RSL24D1: variants seen among roughly 807,000 people sequenced by gnomAD.
RSL24D1 encodes the protein ribosomal L24 domain containing 1, also known as probable ribosome biogenesis protein RLP24.
In RSL24D1, 6 loss-of-function variants were observed where a neutral mutation model predicts 26.2. The ratio of observed to expected loss-of-function variants is 0.23; its 90% CI spans 0.13 to 0.45. The LOEUF is 0.45. Among genes scored for constraint, RSL24D1 ranks in the 20% least tolerant of loss-of-function variants. The probability of loss-of-function intolerance (pLI) is 0.99; values close to 1 mark genes in which losing one functional copy is unlikely to be tolerated. For missense variants in RSL24D1, 176 were observed against 202.6 expected (o/e 0.87, Z 0.80); for synonymous variants, 61 against 59.1 (o/e 1.03, Z -0.15).
intron 1 of RSL24D1, among the ~76,000 whole-genome samples, chr15:55,194,853 G>A (rs1042571730): frequency 3.3e-4 from 49 of 148,804 alleles, no homozygotes; most frequent in African/African-American, 9.7e-4. Flanking sequence ...TAATCTCCCC[G>A]TCTCTACAAA....
At chr15:55,182,353 T>C in intron 5 of RSL24D1, 128 bp from the exon 6 acceptor site, 1 of 635,286 alleles carries the variant, frequency 1.6e-6, no homozygotes, top group Non-Finnish European at 2.9e-6. Context: ...AATTTAATAG[T>C]AGCTAAACTA....
rs755976854 is a variant in RSL24D1 at position 55,190,934 on chromosome 15, C to A, written c.268+41G>T. On this transcript the variant is annotated intron_variant, in intron 3 of 5. Coordinates refer to ENST00000260443, the MANE Select transcript of RSL24D1 (RefSeq NM_016304.3). ...TTAAAGTTATAGTATTATCCCAAAC[C>A]AGTCTCTCCTCAAAATTACTGGTAT... 10 of 1,317,776 alleles carry A rather than the reference C, an allele frequency of 7.6e-6. No individual in the cohort carries two copies. In the East Asian group the frequency reaches 2.3e-4, roughly 30 times the overall value. The allele number at this position is 1,317,776 out of a possible 1,614,324, so 81.6% of individuals were successfully genotyped here. A position where few individuals can be genotyped will look rare whatever the true frequency, so the allele number is the denominator to read the frequency against.
At chr15:55,183,600 T>C (rs1448072822) in intron 4 of RSL24D1, among the ~76,000 whole-genome samples, 200 bp from the exon 5 acceptor site, 4 of 152,126 alleles carry the variant, frequency 2.6e-5, no homozygotes, top group Admixed American at 2.6e-4. Flanking sequence ...CAACACCAAG[T>C]GAACAGAGCC....
Position 55,188,087 on chromosome 15 carries a change from A to C in RSL24D1, c.269-2662T>G, listed in dbSNP as rs143587793. 6.6e-3 allele frequency among the ~76,000 whole-genome samples: 1,005 copies of C among 152,328 alleles called. 15 individuals are homozygous for C. The highest frequency in any genetic ancestry group is 0.023 in the African/African-American group (966 of 41,562). On this transcript the variant is annotated intron_variant, in intron 3 of 5. Transcript: ENST00000260443. The stretch of plus-strand genomic sequence containing the variant: ...TCAGTACCTTAACAAAGGTTGTTTA[A>C]TCCATATCCTCACACAATTTGATAA...
At chr15:55,185,535 GA>G in intron 3 of RSL24D1, 110 bp from the exon 4 acceptor site, 1 of 775,640 alleles carries the variant, frequency 1.3e-6, no homozygotes, top group Non-Finnish European at 2.0e-6. Flanking sequence ...GAATTTACAT[GA>G]AAAAAATCAT....
At chr15:55,190,361 T>C (rs947258602) in intron 3 of RSL24D1, among the ~76,000 whole-genome samples, 1 of 151,864 alleles carries the variant, frequency 6.6e-6, no homozygotes, top group African/African-American at 2.4e-5. Context: ...TATGAGACTT[T>C]TTTCATTAAA....
chr15:55,191,106 T>C, intron 2 of RSL24D1, 59 bp from the exon 3 acceptor site: 1 of 1,220,392 alleles, frequency 8.2e-7, no homozygotes, highest in African/African-American at 1.5e-5. Context: ...AAAGGAAACA[T>C]TTCTTAAAAC....
intron 2 of RSL24D1, among the ~76,000 whole-genome samples, chr15:55,191,853 A>C (rs773726104): frequency 1.3e-5 from 2 of 152,202 alleles, no homozygotes; most frequent in Non-Finnish European, 2.9e-5. Flanking sequence ...GTAATCAGTA[A>C]ATGACTGTGA....
At chr15:55,191,866 G>A (rs983265136) in intron 2 of RSL24D1, among the ~76,000 whole-genome samples, 2 of 152,124 alleles carry the variant, frequency 1.3e-5, no homozygotes, top group East Asian at 1.9e-4. Flanking sequence ...GACTGTGACC[G>A]GCAGTGTTTC....
chr15:55,186,169 T>G (rs1189295373), intron 3 of RSL24D1, among the ~76,000 whole-genome samples: 2 of 152,188 alleles, frequency 1.3e-5, no homozygotes, highest in African/African-American at 2.4e-5. Flanking sequence ...ATATTAAGTC[T>G]TCAAAATCCA....
At chr15:55,188,624 G>A (rs1196370320) in intron 3 of RSL24D1, among the ~76,000 whole-genome samples, 1 of 152,216 alleles carries the variant, frequency 6.6e-6, no homozygotes, top group Non-Finnish European at 1.5e-5. Context: ...AAGAACTGTA[G>A]AGAACACTAC....
chr15:55,183,568 G>A (rs1017482828), intron 4 of RSL24D1, among the ~76,000 whole-genome samples, 168 bp from the exon 5 acceptor site: 1 of 151,758 alleles, frequency 6.6e-6, no homozygotes, highest in South Asian at 2.1e-4. Flanking sequence ...TCCCCACAAC[G>A]CCCCCCATCC....
intron 2 of RSL24D1, 31 bp from the exon 3 acceptor site, chr15:55,191,078 A>T: frequency 6.8e-7 from 1 of 1,470,512 alleles, no homozygotes. Context: ...GATAAAAATA[A>T]GGTTTTAAGA....
intron 2 of RSL24D1, 57 bp from the exon 3 acceptor site, chr15:55,191,104 C>G (rs1421251306): frequency 4.8e-6 from 6 of 1,243,042 alleles, no homozygotes; most frequent in Admixed American, 2.3e-5. Flanking sequence ...AGAAAGGAAA[C>G]ATTTCTTAAA....
At chr15:55,196,395 A>G (rs1033133992) in intron 1 of RSL24D1, 4 of 464,534 alleles carry the variant, frequency 8.6e-6, no homozygotes, top group African/African-American at 7.9e-5. Flanking sequence ...AGCAATACGG[A>G]ACACTTCCAT....
intron 3 of RSL24D1, among the ~76,000 whole-genome samples, chr15:55,188,544 G>A (rs753305284): frequency 2.6e-5 from 4 of 152,214 alleles, no homozygotes; most frequent in Non-Finnish European, 5.9e-5. Context: ...GGCAGAGACC[G>A]TGTGTGACGT....
chr15:55,188,487 C>A (rs996046821), intron 3 of RSL24D1, among the ~76,000 whole-genome samples: 1 of 152,134 alleles, frequency 6.6e-6, no homozygotes, highest in Admixed American at 6.5e-5. Context: ...TGTAATAAAA[C>A]CTAACAGAAA....
chr15:55,193,540 G>A (rs1353498760), intron 1 of RSL24D1, among the ~76,000 whole-genome samples: 7 of 152,130 alleles, frequency 4.6e-5, no homozygotes, highest in Non-Finnish European at 8.8e-5. Context: ...GTAATTATTT[G>A]GGGTTTGTGG....
Position 55,196,345 on chromosome 15 carries a change from C to T in RSL24D1, c.81+465G>A, listed in dbSNP as rs572808875. The T allele has an allele frequency of 5.9e-5, 27 of 457,290 alleles. 1 individual carries two copies. Among genetic ancestry groups the T allele is most frequent in the South Asian group, 4.0e-4 (26 of 64,566 alleles). 28.3% of individuals were successfully genotyped at this position (457,290 alleles called of 1,614,324 possible). ...GAGTCTTTCCGTACAGGACCCTCCC[C>T]AACTCACCTGCAGTAACTTAATACA... is the stretch of plus-strand genomic sequence containing the variant. On this transcript the variant is annotated intron_variant, in intron 1 of 5. Transcript: ENST00000260443.
Sources: allele counts gnomAD v4.1 joint callset (sites outside exome capture counted in the v4.1 genomes callset), GRCh38; gene constraint gnomAD v4.1.1; transcripts MANE v1.5; gene names NCBI Gene and HGNC (gene_info 2026-07-23, HGNC 2026-07-21).